The following SIPA1L2 variants were observed in gnomAD, a reference collection of about 807,000 sequenced individuals.
The protein encoded by SIPA1L2 is signal-induced proliferation-associated 1-like protein 2.
In SIPA1L2, 56 loss-of-function variants were observed where a neutral mutation model predicts 163.9. The observed-to-expected ratio is 0.34, with a 90% CI of 0.28 to 0.43. The LOEUF is 0.43. SIPA1L2 is among the 20% of genes least tolerant of loss of function. The pLI, the probability that SIPA1L2 is intolerant of heterozygous loss-of-function variation, is 1.00. For missense variants in SIPA1L2, 1,974 were observed against 2,193.5 expected, an observed-to-expected ratio of 0.90 and a Z score of 2.00; for synonymous variants, 877 against 865.7, an observed-to-expected ratio of 1.01 and a Z score of -0.23.
chr1:232,585,570 C>T, intron 1 of SIPA1L2, among the ~76,000 whole-genome samples: 1 of 152,298 alleles, frequency 6.6e-6, no homozygotes, highest in East Asian at 1.9e-4. Context: ...ATCTCCAAAA[C>T]TACTTCCTAC....
intron 1 of SIPA1L2, among the ~76,000 whole-genome samples, chr1:232,619,759 A>AT (rs1662698034): frequency 6.6e-6 from 1 of 152,206 alleles, no homozygotes; most frequent in South Asian, 2.1e-4. Context: ...CCACATCCTT[A>AT]TTTTAAAATT....
intron 20 of SIPA1L2, among the ~76,000 whole-genome samples, chr1:232,403,912 A>T (rs933171780): frequency 3.3e-5 from 5 of 152,198 alleles, no homozygotes; most frequent in Non-Finnish European, 5.9e-5. Flanking sequence ...TAGTTGGATA[A>T]TGACTCGACT....
chr1:232,600,435 G>C (rs543152693), intron 1 of SIPA1L2, among the ~76,000 whole-genome samples: 11 of 152,226 alleles, frequency 7.2e-5, no homozygotes, highest in African/African-American at 2.6e-4. Context: ...CCAACAGCTA[G>C]AGTACCTCAT....
intron 1 of SIPA1L2, among the ~76,000 whole-genome samples, chr1:232,601,892 G>A (rs1220258017): frequency 6.6e-6 from 1 of 152,022 alleles, no homozygotes; most frequent in Non-Finnish European, 1.5e-5. Context: ...ATTCCTACTT[G>A]CTATTAACAA....
At chr1:232,624,549 G>C (rs1662979460) in intron 1 of SIPA1L2, among the ~76,000 whole-genome samples, 2 of 152,136 alleles carry the variant, frequency 1.3e-5, no homozygotes, top group South Asian at 2.1e-4. Context: ...ATTCACCCAG[G>C]AGTTCTTACT....
rs995385631 is a variant in SIPA1L2 at position 232,405,945 on chromosome 1, T to G, written c.4763-1767A>C. Reference sequence around the variant, plus strand: ...TACAGGCAGTCATTCAGACATCCCCTAGGGAGAAACAGGGTCCTACTGGTC... The same window carrying G: ...TACAGGCAGTCATTCAGACATCCCCGAGGGAGAAACAGGGTCCTACTGGTC... On this transcript the variant is annotated intron_variant, in intron 19 of 22. Transcript: ENST00000674635. Among the ~76,000 whole-genome samples the G allele has an allele frequency of 5.9e-5, 9 of 152,270 alleles. No homozygotes were observed. The East Asian group carries it at 1.7e-3, about 29-fold the overall frequency.
intron 5 of SIPA1L2, among the ~76,000 whole-genome samples, chr1:232,488,190 T>A (rs1665746718): frequency 6.6e-6 from 1 of 152,160 alleles, no homozygotes; most frequent in Non-Finnish European, 1.5e-5. Flanking sequence ...TGACCTCAAA[T>A]GATCCACCCA....
intron 3 of SIPA1L2, among the ~76,000 whole-genome samples, chr1:232,495,778 A>G (rs1462325657): frequency 6.6e-6 from 1 of 152,178 alleles, no homozygotes; most frequent in Non-Finnish European, 1.5e-5. Flanking sequence ...GATGTTACAG[A>G]TGTCATTACA....
intron 19 of SIPA1L2, among the ~76,000 whole-genome samples, chr1:232,411,605 A>G (rs1164691966): frequency 2.0e-5 from 3 of 150,756 alleles, no homozygotes; most frequent in African/African-American, 7.3e-5. Context: ...TTTTTTTACA[A>G]CTTACTTCAT....
Position 232,514,177 on chromosome 1 carries a change from T to G in SIPA1L2, c.1163A>C (p.Asn388Thr). 1.9e-6 allele frequency: 3 copies of G among 1,614,182 alleles called. No homozygotes were observed. Among genetic ancestry groups the G allele is most frequent in the Non-Finnish European group, 2.5e-6 (3 of 1,180,030 alleles). The stretch of plus-strand genomic sequence containing the variant: ...ATCGGCATCCAGGTTCTCTTTGGAG[T>G]TGAGGTCCTCCTTGCTCCCTAAAGG... ...ESPLGSKEDL[N>T]SKENLDADEG... The change falls in exon 3 of 23, where the codon AAC (asparagine) becomes ACC (threonine). Residue 388 changes from asparagine to threonine, a missense_variant. By Grantham distance (65) the Asn-to-Thr change is moderately conservative. Transcript: ENST00000674635.
intron 1 of SIPA1L2, among the ~76,000 whole-genome samples, chr1:232,625,207 T>G (rs1451154222): frequency 6.6e-6 from 1 of 152,220 alleles, no homozygotes; most frequent in Non-Finnish European, 1.5e-5. Context: ...AGTAGTTAAC[T>G]ATAACCGAGA....
chr1:232,610,797 A>C (rs1342790968), intron 1 of SIPA1L2, among the ~76,000 whole-genome samples: 1 of 152,214 alleles, frequency 6.6e-6, no homozygotes, highest in Non-Finnish European at 1.5e-5. Context: ...AAGGAGAATA[A>C]GGGTAATTAA....
intron 22 of SIPA1L2, among the ~76,000 whole-genome samples, chr1:232,400,421 T>C (rs754452377): frequency 2.0e-5 from 3 of 152,132 alleles, no homozygotes; most frequent in Non-Finnish European, 4.4e-5. Context: ...CTCCTGAAAT[T>C]CCTTTCGTCT....
chr1:232,514,767 C>T lies in SIPA1L2; in HGVS notation c.573G>A (p.Glu191=), dbSNP rs1667147025. 3 of 1,614,086 alleles carry T rather than the reference C, an allele frequency of 1.9e-6. No individual in the cohort carries two copies. Among genetic ancestry groups the T allele is most frequent in the Admixed American group, 1.7e-5 (1 of 60,008 alleles). The change falls in exon 3 of 23, where the codon GAG becomes GAA. Residue 191 remains glutamate, a synonymous_variant. Transcript: ENST00000674635. ...NPNTGAALHR[E]YGSTSSIDRQ... is the part of the protein sequence containing the mutation. ...TGTCGATGGATGAAGTACTTCCATA[C>T]TCCCTGTGCAGGGCAGCCCCGGTGT...
intron 2 of SIPA1L2, among the ~76,000 whole-genome samples, chr1:232,523,544 T>C (rs747612888): frequency 3.9e-5 from 6 of 152,212 alleles, no homozygotes; most frequent in African/African-American, 1.2e-4. Flanking sequence ...ACTGTACTTA[T>C]TAATTTCATT....
intron 1 of SIPA1L2, among the ~76,000 whole-genome samples, chr1:232,587,954 GC>G (rs112017778): frequency 3.9e-4 from 59 of 152,264 alleles, no homozygotes; most frequent in African/African-American, 1.4e-3. Context: ...TGATTGTGAG[GC>G]CTCCCCAGCC....
intron 2 of SIPA1L2, among the ~76,000 whole-genome samples, chr1:232,561,258 G>A (rs1659019228): frequency 6.6e-6 from 1 of 152,118 alleles, no homozygotes; most frequent in Admixed American, 6.5e-5. Flanking sequence ...ATATATTCTG[G>A]TAAAAGATAA....
At chr1:232,548,602 T>C (rs1297334765) in intron 2 of SIPA1L2, among the ~76,000 whole-genome samples, 1 of 152,198 alleles carries the variant, frequency 6.6e-6, no homozygotes, top group Non-Finnish European at 1.5e-5. Context: ...TCATTTACTC[T>C]TTCAATAAAT....
intron 6 of SIPA1L2, among the ~76,000 whole-genome samples, chr1:232,482,742 A>C (rs933178268): frequency 6.6e-6 from 1 of 152,188 alleles, no homozygotes; most frequent in Non-Finnish European, 1.5e-5. Flanking sequence ...TCCCAAGTTG[A>C]GCAGACTTGG....
Sources: allele counts gnomAD v4.1 joint callset (sites outside exome capture counted in the v4.1 genomes callset), GRCh38; gene constraint gnomAD v4.1.1; transcripts MANE v1.5; gene names NCBI Gene and HGNC (gene_info 2026-07-23, HGNC 2026-07-21).